The following COG5 variants were observed in gnomAD, a reference collection of about 807,000 sequenced individuals.
COG5 encodes conserved oligomeric Golgi complex subunit 5.
A neutral mutation model predicts 110.4 loss-of-function variants in COG5; 86 were observed. The observed-to-expected ratio is 0.78, with a 90% CI of 0.65 to 0.93. The LOEUF (loss-of-function observed/expected upper bound fraction) is 0.93. COG5 is among the 40% of genes least tolerant of loss of function. The pLI is 0.00. For synonymous variants in COG5, 360 were observed against 334.6 expected, an observed-to-expected ratio of 1.08 and a Z score of -0.83; for missense variants, 1,077 against 987.0, an observed-to-expected ratio of 1.09 and a Z score of -1.22.
In COG5 at chr7:107,356,897, C is replaced by T. The variant is rs1812673773; in HGVS notation, c.1026+5136G>A. Among the ~76,000 whole-genome samples, 5 of 152,086 alleles carry T rather than the reference C, an allele frequency of 3.3e-5. No individual in the cohort carries two copies. In the South Asian group the frequency reaches 1.0e-3, roughly 31 times the overall value. On this transcript the variant is annotated intron_variant, in intron 10 of 21. Transcript: ENST00000297135. ...TATATCCTTCTTAAATATCTTAAAA[C>T]TGCAAAAACTTGTAGAGTAAGAAGA... is the stretch of plus-strand genomic sequence containing the variant.
At chr7:107,476,019 G>GA (rs200844008) in intron 6 of COG5, among the ~76,000 whole-genome samples, 2,715 of 149,366 alleles carry the variant, frequency 0.018, 82 homozygotes, top group African/African-American at 0.061. Flanking sequence ...TGCTTACTAG[G>GA]AAAAAAAAGA....
At chr7:107,530,933 A>G (rs963655359) in intron 5 of COG5, among the ~76,000 whole-genome samples, 1 of 152,160 alleles carries the variant, frequency 6.6e-6, no homozygotes, top group African/African-American at 2.4e-5. Context: ...ACAGATCAGG[A>G]GACAGGATCA....
chr7:107,357,531 A>G (rs1364877768), intron 10 of COG5, among the ~76,000 whole-genome samples: 1 of 152,226 alleles, frequency 6.6e-6, no homozygotes, highest in African/African-American at 2.4e-5. Flanking sequence ...TGTCTGAAAC[A>G]GCAATCTTTA....
Position 107,548,313 on chromosome 7 carries a change from C to T in COG5, c.312G>A (p.Gln104=). Residue 104 remains glutamine, a synonymous_variant, in exon 4 of 22, where the codon CAG becomes CAA. Transcript: ENST00000297135. ...CTCCCTGTAAAGCCCCAATTCTCGT[C>T]TGCATCATCTGAAGAACACCTAGGA... is the stretch of plus-strand genomic sequence containing the variant. ...ESLEGVLQMM[Q]TRIGALQGAV... 6.2e-7 allele frequency: 1 copy of T among 1,613,874 alleles called. No individual in the cohort carries two copies. The highest frequency in any genetic ancestry group is 8.5e-7 in the Non-Finnish European group (1 of 1,179,788).
intron 7 of COG5, among the ~76,000 whole-genome samples, chr7:107,403,383 AC>A (rs1239426797): frequency 1.4e-5 from 2 of 147,298 alleles, no homozygotes; most frequent in Non-Finnish European, 1.5e-5. Context: ...ACAGAAAGAC[AC>A]CCTTTTTTTT....
At chr7:107,263,136 T>C (rs1034578158) in intron 14 of COG5, among the ~76,000 whole-genome samples, 1 of 152,158 alleles carries the variant, frequency 6.6e-6, no homozygotes, top group Non-Finnish European at 1.5e-5. Flanking sequence ...CCATTTGGGT[T>C]GTGGTAACAA....
rs187087260 is a variant in COG5 at position 107,555,739 on chromosome 7, C to T, written c.235-1397G>A. Among the ~76,000 whole-genome samples, 12 of 152,092 alleles carry T rather than the reference C, an allele frequency of 7.9e-5. No homozygotes were observed. The East Asian group carries it at 2.3e-3, about 29-fold the overall frequency. Reference sequence around the variant, plus strand: ...AGAGAGAGGAAAGCTAGGCTGGGCACGGTGGCTCACACCTGTAATCCCAGC... The same window carrying T: ...AGAGAGAGGAAAGCTAGGCTGGGCATGGTGGCTCACACCTGTAATCCCAGC... On this transcript the variant is annotated intron_variant, in intron 2 of 21. Coordinates refer to ENST00000297135, the MANE Select transcript of COG5 (RefSeq NM_006348.5).
intron 8 of COG5, among the ~76,000 whole-genome samples, chr7:107,366,447 G>A (rs77397573): frequency 0.16 from 24,455 of 151,506 alleles, 2,334 homozygotes; most frequent in Non-Finnish European, 0.22. Context: ...AATGGAACAG[G>A]AAAACATTCA....
Position 107,395,898 on chromosome 7 carries a change from T to G in COG5, c.669+16604A>C, listed in dbSNP as rs368891138. On this transcript the variant is annotated intron_variant, in intron 7 of 21. Coordinates refer to ENST00000297135, the MANE Select transcript of COG5 (RefSeq NM_006348.5). The stretch of plus-strand genomic sequence containing the variant: ...AACCACTCCCCCTGGGTAGAATATG[T>G]ATTTAATAAAATTAGGCCGATTTTC... Among the ~76,000 whole-genome samples the G allele has an allele frequency of 1.1e-4, 17 of 152,270 alleles. No homozygotes were observed. The South Asian group carries it at 3.3e-3, about 30-fold the overall frequency.
At chr7:107,476,411 A>G (rs1797000301) in intron 6 of COG5, among the ~76,000 whole-genome samples, 1 of 151,514 alleles carries the variant, frequency 6.6e-6, no homozygotes, top group Admixed American at 6.6e-5. Context: ...CCACCAAATC[A>G]TAGCTCCCAA....
chr7:107,362,008 TAAA>T, intron 10 of COG5, 22 bp downstream of exon 10: 1 of 1,474,080 alleles, frequency 6.8e-7, no homozygotes, highest in Non-Finnish European at 9.4e-7. Flanking sequence ...AAGAAAGATG[TAAA>T]AATATTTTCC....
chr7:107,391,009 G>C (rs543312921), intron 7 of COG5, among the ~76,000 whole-genome samples: 11 of 152,154 alleles, frequency 7.2e-5, no homozygotes, highest in African/African-American at 2.7e-4. Flanking sequence ...GGAATGTAAA[G>C]GGGTCTATCT....
chr7:107,453,080 G>A (rs890314523), intron 6 of COG5, among the ~76,000 whole-genome samples: 3 of 152,082 alleles, frequency 2.0e-5, no homozygotes, highest in South Asian at 4.1e-4. Context: ...TGTTCCCTTA[G>A]CACCTTATAC....
intron 6 of COG5, among the ~76,000 whole-genome samples, chr7:107,443,937 T>C (rs1289197516): frequency 6.6e-6 from 1 of 152,228 alleles, no homozygotes; most frequent in Non-Finnish European, 1.5e-5. Flanking sequence ...ACTGATTTGT[T>C]TGTAGGAATC....
At chr7:107,308,801 T>A (rs1250790836) in intron 11 of COG5, among the ~76,000 whole-genome samples, 2 of 152,134 alleles carry the variant, frequency 1.3e-5, no homozygotes, top group Non-Finnish European at 2.9e-5. Flanking sequence ...ATTTAGACAA[T>A]CCCTTGCAAT....
intron 17 of COG5, among the ~76,000 whole-genome samples, chr7:107,239,440 T>C (rs981370346): frequency 1.3e-5 from 2 of 152,238 alleles, no homozygotes; most frequent in Non-Finnish European, 2.9e-5. Flanking sequence ...TTCAGAGATT[T>C]TGGTAGTTCC....
chr7:107,408,417 A>G (rs2129064610), intron 7 of COG5, among the ~76,000 whole-genome samples: 1 of 152,338 alleles, frequency 6.6e-6, no homozygotes, highest in Admixed American at 6.5e-5. Context: ...ACAACTCTGT[A>G]TTTTAATATT....
rs549699648 is a variant in COG5 at position 107,380,348 on chromosome 7, C to T, written c.670-7588G>A. Among the ~76,000 whole-genome samples the T allele has an allele frequency of 3.3e-5, 5 of 151,662 alleles. No individual in the cohort carries two copies. In the South Asian group the frequency reaches 1.0e-3, roughly 32 times the overall value. On this transcript the variant is annotated intron_variant, in intron 7 of 21. Transcript: ENST00000297135. ...CTGAAGGAGATACAGACACGAAAAA[C>T]CCTTAAAAAAAAATCAATGAATACA...
chr7:107,294,919 GTGTGTATA>G (rs1354567032), intron 12 of COG5, among the ~76,000 whole-genome samples: 1 of 69,912 alleles, frequency 1.4e-5, no homozygotes, highest in Non-Finnish European at 2.9e-5. Flanking sequence ...GTGTGTGTGT[GTGTGTATA>G]TATACACACA....
Sources: gnomAD v4.1 joint callset for allele counts (sites outside exome capture counted in the v4.1 genomes callset) on GRCh38, gnomAD v4.1.1 for gene constraint, MANE v1.5 for transcripts, NCBI Gene and HGNC (gene_info 2026-07-23, HGNC 2026-07-21) for gene names.